Variants in HPCAL1 observed in about 807,000 individuals in gnomAD.
HPCAL1 encodes the protein hippocalcin like 1.
In HPCAL1, 8 loss-of-function variants were observed where a neutral mutation model predicts 17.1. The ratio of observed to expected loss-of-function variants is 0.47; its 90% CI spans 0.27 to 0.84. The LOEUF (loss-of-function observed/expected upper bound fraction) is 0.84, where lower values mean the gene tolerates loss of function less well. Ranked by LOEUF, HPCAL1 falls within the 40% of genes least tolerant of loss-of-function variation. HPCAL1 has a pLI of 0.13. For missense variants in HPCAL1, 165 were observed against 271.1 expected (o/e 0.61, Z 2.75); for synonymous variants, 112 against 111.4 (o/e 1.01, Z -0.03).
At chr2:10,309,250 T>G (rs1662809127) in intron 1 of HPCAL1, among the ~76,000 whole-genome samples, 1 of 152,106 alleles carries the variant, frequency 6.6e-6, no homozygotes, top group Non-Finnish European at 1.5e-5. Flanking sequence ...CCCAGACTGG[T>G]CTTGAGCTCC....
In HPCAL1 at chr2:10,319,537, A is replaced by T. The variant is rs548620039; in HGVS notation, c.-111+16360A>T. ...CTCTGCTCAAACAGCCAGCTGTGTG[A>T]TCACCTTTTCAGGGGATGATAGGCT... On this transcript the variant is annotated intron_variant, in intron 1 of 4. Transcript: ENST00000307845. Among the ~76,000 whole-genome samples the T allele has an allele frequency of 1.1e-3, 138 of 121,270 alleles. 1 individual carries two copies. The highest frequency in any genetic ancestry group is 1.9e-3 in the Non-Finnish European group (120 of 63,032). 79.6% of individuals were successfully genotyped at this position (121,270 alleles called of 152,430 possible).
rs890562231 is a variant in HPCAL1, at chr2:10,363,527, G to T, written c.-110-33308G>T. Among the ~76,000 whole-genome samples, 1 of 152,222 alleles carries T rather than the reference G, an allele frequency of 6.6e-6. No homozygotes were observed. Among genetic ancestry groups the T allele is most frequent in the African/African-American group, 2.4e-5 (1 of 41,440 alleles). The stretch of plus-strand genomic sequence containing the variant: ...ATACCCTCTACACGTGGCGTTTCAG[G>T]TCTGGAGAGTCATGTGGTGTAGCTG... On this transcript the variant is annotated intron_variant, in intron 1 of 4. Coordinates refer to ENST00000307845, the MANE Select transcript of HPCAL1 (RefSeq NM_002149.4). This position sits in a 1 kb window ranked among gnomAD's most constrained non-coding sequence, Gnocchi z 4.7.
chr2:10,386,317 G>T (rs150461437), intron 1 of HPCAL1, among the ~76,000 whole-genome samples: 44 of 152,280 alleles, frequency 2.9e-4, no homozygotes, highest in Non-Finnish European at 5.9e-4. Flanking sequence ...TTCCTCCCTG[G>T]CCTCTCTTGC....
At chr2:10,417,317 C>G (rs1294937774) in intron 2 of HPCAL1, among the ~76,000 whole-genome samples, 1 of 151,440 alleles carries the variant, frequency 6.6e-6, no homozygotes, top group Admixed American at 6.6e-5. Flanking sequence ...GAGCTGAGAT[C>G]GCTCCATTGC....
At position 10,376,297 on chromosome 2, in the gene HPCAL1, A is replaced by G. The variant is rs535871151; in HGVS notation, c.-110-20538A>G. On this transcript the variant is annotated intron_variant, in intron 1 of 4. Coordinates refer to ENST00000307845, the MANE Select transcript of HPCAL1 (RefSeq NM_002149.4). Reference sequence around the variant, plus strand: ...ATTAGCCATAGCCATTTATTAACATAATTTTAAAAGATTTCAGTCTTGTGC... The same window carrying G: ...ATTAGCCATAGCCATTTATTAACATGATTTTAAAAGATTTCAGTCTTGTGC... Among the ~76,000 whole-genome samples, 113 of 152,332 alleles carry G rather than the reference A, an allele frequency of 7.4e-4. 3 individuals carry two copies. The South Asian group carries it at 0.023, about 31-fold the overall frequency.
At chr2:10,324,896 C>T (rs1163651001) in intron 1 of HPCAL1, among the ~76,000 whole-genome samples, 2 of 144,130 alleles carry the variant, frequency 1.4e-5, no homozygotes, top group East Asian at 2.1e-4. Flanking sequence ...GATCTTGGCT[C>T]ACTGCAATCT....
intron 1 of HPCAL1, among the ~76,000 whole-genome samples, chr2:10,333,747 C>T (rs1456320437): frequency 6.6e-6 from 1 of 152,150 alleles, no homozygotes; most frequent in African/African-American, 2.4e-5. Context: ...CCCTGCCCAC[C>T]TCCATATAAC....
In HPCAL1 at chr2:10,419,935, G is replaced by A; in HGVS notation, c.178G>A (p.Asp60Asn). The change falls in exon 3 of 5, where the codon GAC becomes AAC. Residue 60 changes from aspartate (D) to asparagine (N), a missense_variant. Transcript: ENST00000307845. The surrounding 1 kb of genome is among the most constrained non-coding windows in gnomAD (Gnocchi z 5.0). ...KIYANFFPYG[D>N]ASKFAEHVFR... ...CTACGCCAACTTCTTCCCCTACGGC[G>A]ACGCTTCCAAGTTCGCCGAGCACGT... is the stretch of plus-strand genomic sequence containing the variant. The A allele has an allele frequency of 6.2e-7, 1 of 1,613,940 alleles. No individual in the cohort carries two copies. The highest frequency in any genetic ancestry group is 8.5e-7 in the Non-Finnish European group (1 of 1,180,028).
At chr2:10,351,981 CA>C (rs1665873293) in intron 1 of HPCAL1, among the ~76,000 whole-genome samples, 1 of 150,854 alleles carries the variant, frequency 6.6e-6, no homozygotes, top group Non-Finnish European at 1.5e-5. Flanking sequence ...CAGCTCACTG[CA>C]ACCTCCACCT....
intron 2 of HPCAL1, among the ~76,000 whole-genome samples, chr2:10,412,454 T>G (rs1001216498): frequency 6.6e-6 from 1 of 152,198 alleles, no homozygotes; most frequent in Non-Finnish European, 1.5e-5. Flanking sequence ...CTGGATAGTC[T>G]GCTTCCAGGT....
intron 1 of HPCAL1, among the ~76,000 whole-genome samples, chr2:10,364,672 C>T (rs1275955231): frequency 6.6e-6 from 1 of 151,852 alleles, no homozygotes; most frequent in Non-Finnish European, 1.5e-5. Flanking sequence ...GTAGCCTCGA[C>T]CTCCCCCGGC....
intron 1 of HPCAL1, among the ~76,000 whole-genome samples, chr2:10,388,963 C>T (rs748111499): frequency 6.6e-6 from 1 of 152,108 alleles, no homozygotes; most frequent in Admixed American, 6.5e-5. Flanking sequence ...GCCAGACCTG[C>T]CTCTGCTGTC....
At chr2:10,388,908 G>C (rs1668506652) in intron 1 of HPCAL1, among the ~76,000 whole-genome samples, 1 of 152,124 alleles carries the variant, frequency 6.6e-6, no homozygotes, top group South Asian at 2.1e-4. Context: ...CGGGGCCTTT[G>C]GGAGGTAATT....
chr2:10,366,728 C>T (rs1000791697), intron 1 of HPCAL1, among the ~76,000 whole-genome samples: 2 of 152,192 alleles, frequency 1.3e-5, no homozygotes, highest in African/African-American at 4.8e-5. Context: ...GCTCCCCAGC[C>T]CCGGGCTTCC....
chr2:10,399,279 AT>A (rs1669316740), intron 2 of HPCAL1, among the ~76,000 whole-genome samples: 1 of 124,286 alleles, frequency 8.0e-6, no homozygotes, highest in East Asian at 3.2e-4. Context: ...CACCACCACC[AT>A]CACCACCACC....
intron 1 of HPCAL1, among the ~76,000 whole-genome samples, chr2:10,333,083 C>T (rs1040612244): frequency 1.3e-5 from 2 of 151,718 alleles, no homozygotes; most frequent in African/African-American, 2.4e-5. Context: ...GACGCCTGGA[C>T]GCTGCCACCA....
In HPCAL1 at chr2:10,330,464, A is replaced by C. The variant is rs1168941767; in HGVS notation, c.-111+27287A>C. Among the ~76,000 whole-genome samples, 1 of 148,712 alleles carries C rather than the reference A, an allele frequency of 6.7e-6. No individual in the cohort carries two copies. ...AACGGGGTCATAGTCTGGGTGCCTT[A>C]AACAACAGGAATTCTTTTTTTTTTA... On this transcript the variant is annotated intron_variant, in intron 1 of 4. Transcript: ENST00000307845. The surrounding 1 kb of genome is among the most constrained non-coding windows in gnomAD (Gnocchi z 4.2).
At chr2:10,418,393 C>CA (rs1239945436) in intron 2 of HPCAL1, among the ~76,000 whole-genome samples, 4 of 145,782 alleles carry the variant, frequency 2.7e-5, no homozygotes, top group Non-Finnish European at 5.9e-5. Flanking sequence ...GAGATCACAC[C>CA]ACTGCACACT....
rs1207729273 is a variant in HPCAL1 at position 10,395,851 on chromosome 2, C to T, written c.-110-984C>T. On this transcript the variant is annotated intron_variant, in intron 1 of 4. Transcript: ENST00000307845. The surrounding 1 kb of genome is among the most constrained non-coding windows in gnomAD (Gnocchi z 4.4). Reference sequence around the variant, plus strand: ...CCTCCCAGGGCTGCTGTGTGGATTACGTTGGATAATGAGTACAAATGCATA... The same window carrying T: ...CCTCCCAGGGCTGCTGTGTGGATTATGTTGGATAATGAGTACAAATGCATA... Among the ~76,000 whole-genome samples the T allele has an allele frequency of 2.6e-5, 4 of 152,074 alleles. No individual in the cohort carries two copies. The highest frequency in any genetic ancestry group is 1.9e-4 in the East Asian group (1 of 5,188).
Sources: allele counts gnomAD v4.1 joint callset (sites outside exome capture counted in the v4.1 genomes callset), GRCh38; gene constraint gnomAD v4.1.1; non-coding constraint Gnocchi (gnomAD v3.1); transcripts MANE v1.5; gene names NCBI Gene and HGNC (gene_info 2026-07-23, HGNC 2026-07-21).